Variants in HNRNPC observed in about 807,000 individuals in gnomAD.
HNRNPC encodes the protein heterogeneous nuclear ribonucleoproteins C1/C2.
HNRNPC carries 3 observed loss-of-function variants against 33.2 expected under a neutral mutation model. The observed-to-expected ratio is 0.09, with a 90% confidence interval of 0.04 to 0.23. The LOEUF (loss-of-function observed/expected upper bound fraction) is 0.23. Among genes scored for constraint, HNRNPC ranks in the 10% least tolerant of loss-of-function variants. The pLI, the probability that HNRNPC is intolerant of heterozygous loss-of-function variation, is 1.00. For synonymous variants in HNRNPC, 121 were observed against 126.7 expected, an observed-to-expected ratio of 0.96 and a Z score of 0.30; for missense variants, 143 against 366.7, an observed-to-expected ratio of 0.39 and a Z score of 4.98.
intron 5 of HNRNPC, among the ~76,000 whole-genome samples, chr14:21,224,880 G>T (rs1266044369): frequency 2.0e-5 from 3 of 152,090 alleles, no homozygotes; most frequent in Non-Finnish European, 2.9e-5. Flanking sequence ...TTTAGCCATG[G>T]AGTAATAACA....
chr14:21,217,920 A>T (rs1392067303), intron 5 of HNRNPC, among the ~76,000 whole-genome samples: 1 of 152,218 alleles, frequency 6.6e-6, no homozygotes, highest in Non-Finnish European at 1.5e-5. Context: ...GACAATTTGA[A>T]AATGCACCTG....
At chr14:21,249,848 A>C (rs1896433694) in intron 2 of HNRNPC, among the ~76,000 whole-genome samples, 1 of 152,142 alleles carries the variant, frequency 6.6e-6, no homozygotes, top group African/African-American at 2.4e-5. Flanking sequence ...AAGGTTCCAG[A>C]ATCTGTAAGT....
intron 2 of HNRNPC, among the ~76,000 whole-genome samples, chr14:21,249,598 A>C (rs796514056): frequency 6.1e-5 from 8 of 131,478 alleles, no homozygotes; most frequent in Admixed American, 1.4e-4. Flanking sequence ...AAAAACAAAA[A>C]AAAAAAAAAA....
At chr14:21,267,771 T>C (rs1294492077) in intron 1 of HNRNPC, among the ~76,000 whole-genome samples, 1 of 152,188 alleles carries the variant, frequency 6.6e-6, no homozygotes, top group African/African-American at 2.4e-5. Flanking sequence ...CAAAGAAAAG[T>C]GCCCGTCAAT....
At chr14:21,241,257 CAA>C (rs56033944) in intron 2 of HNRNPC, among the ~76,000 whole-genome samples, 55 of 93,970 alleles carry the variant, frequency 5.9e-4, no homozygotes, top group South Asian at 3.4e-3. Flanking sequence ...GACTATGTCT[CAA>C]AAAAAAAAAA....
chr14:21,247,021 A>G (rs1288350154), intron 2 of HNRNPC, among the ~76,000 whole-genome samples: 1 of 152,214 alleles, frequency 6.6e-6, no homozygotes, highest in East Asian at 1.9e-4. Flanking sequence ...ACTCAGCAGG[A>G]GCTCATCAGT....
At chr14:21,255,821 A>AT (rs1555359892) in intron 2 of HNRNPC, among the ~76,000 whole-genome samples, 5 of 152,226 alleles carry the variant, frequency 3.3e-5, no homozygotes, top group Non-Finnish European at 2.9e-5. Context: ...ACAGTTGGTG[A>AT]TAAGTGCTAA....
chr14:21,216,479 G>A lies in HNRNPC; in HGVS notation c.366-3362C>T, dbSNP rs973992250. Among the ~76,000 whole-genome samples the A allele has an allele frequency of 2.6e-5, 4 of 152,308 alleles. No individual in the cohort carries two copies. The East Asian group carries it at 7.7e-4, about 29-fold the overall frequency. On this transcript the variant is annotated intron_variant, in intron 5 of 8. Transcript: ENST00000553300. ...TCCCAGCACTTTGGGAGGCTAAGGC[G>A]AGCGGCTCATTTGAGGCCAGGACAT... is the stretch of plus-strand genomic sequence containing the variant.
intron 2 of HNRNPC, among the ~76,000 whole-genome samples, chr14:21,243,069 G>A (rs968975734): frequency 1.3e-5 from 2 of 152,150 alleles, no homozygotes; most frequent in African/African-American, 4.8e-5. Context: ...AGGCTGCAAT[G>A]AGCGGAGATC....
At chr14:21,265,192 A>G (rs947386247) in intron 1 of HNRNPC, 1 of 152,232 alleles carries the variant, frequency 6.6e-6, no homozygotes, top group African/African-American at 2.4e-5. Flanking sequence ...AAAGTTTGTG[A>G]AGAATTGTAA....
intron 5 of HNRNPC, among the ~76,000 whole-genome samples, chr14:21,220,030 C>CA (rs1566600921): frequency 6.6e-6 from 1 of 152,142 alleles, no homozygotes; most frequent in South Asian, 2.1e-4. Flanking sequence ...CTGGTCCCAC[C>CA]AAAAATCACT....
intron 2 of HNRNPC, among the ~76,000 whole-genome samples, chr14:21,250,787 T>C (rs1016560081): frequency 6.6e-6 from 1 of 152,198 alleles, no homozygotes; most frequent in Admixed American, 6.5e-5. Context: ...AAATTTGTAA[T>C]TCCCAAGCCA....
At chr14:21,250,442 T>C (rs1896507537) in intron 2 of HNRNPC, among the ~76,000 whole-genome samples, 1 of 152,208 alleles carries the variant, frequency 6.6e-6, no homozygotes, top group South Asian at 2.1e-4. Context: ...AAAAAAATTA[T>C]AACTATGACA....
intron 2 of HNRNPC, among the ~76,000 whole-genome samples, chr14:21,251,260 CAAAA>C (rs71419116): frequency 2.4e-4 from 12 of 49,482 alleles, no homozygotes; most frequent in South Asian, 1.3e-3. Flanking sequence ...GACTCCCTCT[CAAAA>C]AAAAAAAAAA....
chr14:21,265,537 C>CGTGT (rs1878831994), intron 1 of HNRNPC: 1 of 152,102 alleles, frequency 6.6e-6, no homozygotes, highest in South Asian at 2.1e-4. Flanking sequence ...GGCCAGGCGG[C>CGTGT]GTGGCTCACA....
At chr14:21,260,548 G>A (rs980535170) in intron 2 of HNRNPC, among the ~76,000 whole-genome samples, 3 of 151,638 alleles carry the variant, frequency 2.0e-5, no homozygotes, top group Non-Finnish European at 4.4e-5. Flanking sequence ...GCTGGGTGCG[G>A]CAGCTCACAC....
At chr14:21,230,698 A>AGGTT in intron 4 of HNRNPC, 2 of 479,994 alleles carry the variant, frequency 4.2e-6, no homozygotes, top group South Asian at 7.6e-5. Flanking sequence ...TTAGAAGCTC[A>AGGTT]ACGATCCTGT....
At chr14:21,251,797 C>A (rs1201644522) in intron 2 of HNRNPC, among the ~76,000 whole-genome samples, 1 of 152,146 alleles carries the variant, frequency 6.6e-6, no homozygotes, top group African/African-American at 2.4e-5. Flanking sequence ...TGCAGGAATA[C>A]ATATAAATTT....
rs370228713 is a variant in HNRNPC at position 21,216,076 on chromosome 14, T to TC, written c.366-2960dup. ...TGGGGGTTGCAGACAGCCATTGCAC[T>TC]CCAGCCTGGGCGACAGAGTAAAAAC... On this transcript the variant is annotated intron_variant, in intron 5 of 8. Transcript: ENST00000553300. Among the ~76,000 whole-genome samples, 414 of 130,354 alleles carry TC rather than the reference T, an allele frequency of 3.2e-3. 1 individual carries two copies. The highest frequency in any genetic ancestry group is 0.012 in the African/African-American group (397 of 33,286). 85.5% of individuals were successfully genotyped at this position (130,354 alleles called of 152,430 possible). A position where few individuals can be genotyped will look rare whatever the true frequency, so the allele number is the denominator to read the frequency against.
Sources: gnomAD v4.1 joint callset for allele counts (sites outside exome capture counted in the v4.1 genomes callset) on GRCh38, gnomAD v4.1.1 for gene constraint, MANE v1.5 for transcripts, NCBI Gene and HGNC (gene_info 2026-07-23, HGNC 2026-07-21) for gene names.